Variants in RNASET2 observed in about 807,000 individuals in gnomAD.
RNASET2 encodes ribonuclease T2.
In RNASET2, 28 loss-of-function variants were observed where a neutral mutation model predicts 33.9. The ratio of observed to expected loss-of-function variants is 0.83; its 90% CI spans 0.61 to 1.13. RNASET2 has a LOEUF of 1.13. RNASET2 is among the 50% of genes most tolerant of loss of function. The pLI, the probability that RNASET2 is intolerant of heterozygous loss-of-function variation, is 0.00. For missense variants in RNASET2, 330 were observed against 319.9 expected (o/e 1.03, Z -0.24); for synonymous variants, 123 against 121.0 (o/e 1.02, Z -0.11).
In RNASET2 at chr6:166,923,228, CTTTTTTTTTTT is replaced by C. The variant is rs576639665; in HGVS notation, c.*6349_*6359del. 5.7e-3 allele frequency among the ~76,000 whole-genome samples: 585 copies of C among 102,682 alleles called. 9 individuals are homozygous for C. Among genetic ancestry groups the C allele is most frequent in the African/African-American group, 0.029 (564 of 19,158 alleles). 67.4% of individuals were successfully genotyped at this position (102,682 alleles called of 152,430 possible). A position where few individuals can be genotyped will look rare whatever the true frequency, so the allele number is the denominator to read the frequency against. ...ACAGGCGTGAGCCACCAGGCCCGGC[CTTTTTTTTTTT>C]TTTTTTTTTTGAGACAGAGTCTTAC... On this transcript the variant is annotated 3_prime_UTR_variant, in exon 9 of 9. Coordinates refer to ENST00000508775, the MANE Select transcript of RNASET2 (RefSeq NM_003730.6).
In RNASET2 at chr6:166,949,299, C is replaced by T. The variant is rs191982213; in HGVS notation, c.148-674G>A. 1.8e-3 allele frequency among the ~76,000 whole-genome samples: 273 copies of T among 149,400 alleles called. 1 individual carries two copies. Among genetic ancestry groups the T allele is most frequent in the African/African-American group, 6.6e-3 (268 of 40,646 alleles). ...TGGGCAGATCATGAGGTCAGGAGATCGAGACCATCCTGGCCAACCTGTGAA... is the reference window on the plus strand; with the variant it reads ...TGGGCAGATCATGAGGTCAGGAGATTGAGACCATCCTGGCCAACCTGTGAA... On this transcript the variant is annotated intron_variant, in intron 2 of 8. Transcript: ENST00000508775.
chr6:166,922,552 T>C lies in RNASET2; in HGVS notation c.*7036A>G, dbSNP rs928543433. 5.9e-5 allele frequency among the ~76,000 whole-genome samples: 9 copies of C among 152,246 alleles called. No homozygotes were observed. Among genetic ancestry groups the C allele is most frequent in the South Asian group, 2.1e-4 (1 of 4,828 alleles). ...TGTCTCTTCCCATGGCTGAGTCTAT[T>C]CTGCTCTAAAACATTCAGAGAAAAA... On this transcript the variant is annotated 3_prime_UTR_variant, in exon 9 of 9. Coordinates refer to ENST00000508775, the MANE Select transcript of RNASET2 (RefSeq NM_003730.6).
At chr6:166,955,987 G>A in intron 1 of RNASET2, 110 bp downstream of exon 1, 2 of 1,166,286 alleles carry the variant, frequency 1.7e-6, no homozygotes, top group Non-Finnish European at 1.2e-6. Flanking sequence ...CTCCCCAGTC[G>A]CTGCCCGGGG....
rs117327575 is a variant in RNASET2, at chr6:166,925,619, G to A, written c.*3969C>T. ...CACATTGTCCGCATCTACACTGTAC[G>A]GCCCTCCCCTGTGCCATCCAGCTGG... On this transcript the variant is annotated 3_prime_UTR_variant, in exon 9 of 9. Transcript: ENST00000508775. Among the ~76,000 whole-genome samples, 1,469 of 152,254 alleles carry A rather than the reference G, an allele frequency of 9.6e-3. 8 individuals carry two copies. Among genetic ancestry groups the A allele is most frequent in the Middle Eastern group, 0.021 (6 of 292 alleles).
rs1036386346 is a variant in RNASET2 at position 166,926,357 on chromosome 6, G to C, written c.*3231C>G. On this transcript the variant is annotated 3_prime_UTR_variant, in exon 9 of 9. Transcript: ENST00000508775. ...GTTCCAGACCAGCCTGGCCAACACA[G>C]TGAAACCCCAACTCTACTAAAAATA... Among the ~76,000 whole-genome samples, 1 of 151,786 alleles carries C rather than the reference G, an allele frequency of 6.6e-6. No homozygotes were observed. The highest frequency in any genetic ancestry group is 2.4e-5 in the African/African-American group (1 of 41,282).
In RNASET2 at chr6:166,938,918, G is replaced by C; in HGVS notation, c.423C>G (p.Leu141=). The change falls in exon 6 of 9, where the codon CTC becomes CTG. Residue 141 remains leucine (L), a synonymous_variant. Coordinates refer to ENST00000508775, the MANE Select transcript of RNASET2 (RefSeq NM_003730.6). Reference sequence around the variant, plus strand: ...ACCTGTTGAGGTCCAGCTCCCTGTAGAGTTCCAGGCTTCTGCCAAAGTACT... The same window carrying C: ...ACCTGTTGAGGTCCAGCTCCCTGTACAGTTCCAGGCTTCTGCCAAAGTACT... ...QKKYFGRSLE[L]YRELDLNSVL... The C allele has an allele frequency of 6.2e-7, 1 of 1,613,620 alleles. No homozygotes were observed. Among genetic ancestry groups the C allele is most frequent in the Non-Finnish European group, 8.5e-7 (1 of 1,179,620 alleles).
chr6:166,939,276 T>C (rs757805314), intron 5 of RNASET2, among the ~76,000 whole-genome samples: 8 of 152,118 alleles, frequency 5.3e-5, no homozygotes, highest in Non-Finnish European at 1.0e-4. Flanking sequence ...GAGGTTGCAG[T>C]GAGCCAAGAT....
At chr6:166,952,975 A>C (rs1426591973) in intron 1 of RNASET2, 2 of 213,856 alleles carry the variant, frequency 9.4e-6, no homozygotes, top group Non-Finnish European at 1.9e-5. Flanking sequence ...GTTTTTTGTA[A>C]TTCATTTGGC....
In RNASET2 at chr6:166,929,425, T is replaced by C; in HGVS notation, c.*163A>G. 1.3e-6 allele frequency: 1 copy of C among 755,498 alleles called. No homozygotes were observed. The highest frequency in any genetic ancestry group is 2.5e-5 in the East Asian group (1 of 40,812). The allele number at this position is 755,498 out of a possible 1,614,324, so 46.8% of individuals were successfully genotyped here. ...GTGGGAGAGCTCCTTTCTCCCCGTG[T>C]ACGCCACATGCACTCACTCTACAGG... On this transcript the variant is annotated 3_prime_UTR_variant, in exon 9 of 9. Transcript: ENST00000508775.
intron 2 of RNASET2, among the ~76,000 whole-genome samples, chr6:166,949,268 C>T (rs983627609): frequency 3.5e-5 from 5 of 142,872 alleles, no homozygotes; most frequent in South Asian, 2.2e-4. Flanking sequence ...CTTTGGGAGG[C>T]GGAGGTGGGC....
intron 4 of RNASET2, 130 bp from the exon 5 acceptor site, chr6:166,943,219 T>C: frequency 1.5e-6 from 1 of 684,832 alleles, no homozygotes; most frequent in Non-Finnish European, 2.6e-6. Context: ...GTGAATAAAA[T>C]AATCCTATGC....
rs964401457 is a variant in RNASET2 at position 166,928,763 on chromosome 6, C to T, written c.*825G>A. Among the ~76,000 whole-genome samples, 5 of 152,204 alleles carry T rather than the reference C, an allele frequency of 3.3e-5. No homozygotes were observed. The highest frequency in any genetic ancestry group is 2.6e-4 in the Admixed American group (4 of 15,286). ...AGGCCGAGAGCGTGGGTGCAGCAGT[C>T]TGCCTGACGTGAGAGCCATGTCATC... On this transcript the variant is annotated 3_prime_UTR_variant, in exon 9 of 9. Coordinates refer to ENST00000508775, the MANE Select transcript of RNASET2 (RefSeq NM_003730.6).
chr6:166,955,233 ACGCACG>A (rs1350849721), intron 1 of RNASET2, among the ~76,000 whole-genome samples: 2,702 of 127,276 alleles, frequency 0.021, 121 homozygotes, highest in East Asian at 0.063. Context: ...GCACACACGC[ACGCACG>A]CACACACACG....
intron 2 of RNASET2, among the ~76,000 whole-genome samples, 154 bp from the exon 3 acceptor site, chr6:166,948,779 C>T (rs189344159): frequency 9.2e-5 from 14 of 152,324 alleles, no homozygotes; most frequent in African/African-American, 3.4e-4. Context: ...AGGGCTACTT[C>T]ACAATACATT....
rs11388348 is a variant in RNASET2 at position 166,926,533 on chromosome 6, C to CAAA, written c.*3052_*3054dup. On this transcript the variant is annotated 3_prime_UTR_variant, in exon 9 of 9. Transcript: ENST00000508775. ...TGGGCGACAGAGTGAGACTCAGTCT[C>CAAA]AAAAAAAAAAAAAAAGAAAAGAAAA... 4.7e-5 allele frequency among the ~76,000 whole-genome samples: 6 copies of CAAA among 128,302 alleles called. No homozygotes were observed. The highest frequency in any genetic ancestry group is 7.8e-5 in the Admixed American group (1 of 12,742). 84.2% of individuals were successfully genotyped at this position (128,302 alleles called of 152,430 possible). A position where few individuals can be genotyped will look rare whatever the true frequency, so the allele number is the denominator to read the frequency against.
chr6:166,932,718 C>T (rs1583215842), intron 7 of RNASET2: 1 of 152,346 alleles, frequency 6.6e-6, no homozygotes, highest in South Asian at 2.1e-4. Flanking sequence ...CCCAAACAAG[C>T]GCCGTTCGCA....
intron 1 of RNASET2, among the ~76,000 whole-genome samples, chr6:166,955,191 A>ACACG (rs1779081818): frequency 5.5e-5 from 2 of 36,394 alleles, no homozygotes; most frequent in African/African-American, 3.2e-4. Flanking sequence ...ACACACACGC[A>ACACG]CACACGCACG....
chr6:166,954,232 C>T (rs999848227), intron 1 of RNASET2, among the ~76,000 whole-genome samples: 2 of 152,116 alleles, frequency 1.3e-5, no homozygotes, highest in Non-Finnish European at 2.9e-5. Flanking sequence ...GGGAAAATGC[C>T]CGCTGACCTA....
intron 8 of RNASET2, 148 bp downstream of exon 8, chr6:166,930,896 G>T: frequency 1.4e-6 from 1 of 712,178 alleles, no homozygotes; most frequent in Non-Finnish European, 2.6e-6. Context: ...ACACACACAT[G>T]CACACACACA....
Sources: allele counts gnomAD v4.1 joint callset (sites outside exome capture counted in the v4.1 genomes callset), GRCh38; gene constraint gnomAD v4.1.1; transcripts MANE v1.5; gene names NCBI Gene and HGNC (gene_info 2026-07-23, HGNC 2026-07-21).